C8A: variants seen among roughly 807,000 people sequenced by gnomAD.
C8A encodes complement component C8 alpha chain.
In C8A, 67 loss-of-function variants were observed where a neutral mutation model predicts 65.3. That is an observed-to-expected ratio of 1.03 (90% CI 0.84 to 1.26). The LOEUF (loss-of-function observed/expected upper bound fraction) is 1.26, where lower values mean the gene tolerates loss of function less well. C8A is among the 50% of genes most tolerant of loss of function. The probability of loss-of-function intolerance (pLI) is 0.00; values close to 1 mark genes in which losing one functional copy is unlikely to be tolerated. For synonymous variants in C8A, 290 were observed against 259.4 expected (o/e 1.12, Z -1.13); for missense variants, 781 against 723.9 (o/e 1.08, Z -0.90).
chr1:56,895,525 C>A (rs916056272), intron 7 of C8A, among the ~76,000 whole-genome samples: 5 of 152,098 alleles, frequency 3.3e-5, no homozygotes, highest in Non-Finnish European at 7.4e-5. Flanking sequence ...TTTCAAACTT[C>A]AGACCATAAC....
intron 7 of C8A, among the ~76,000 whole-genome samples, chr1:56,891,114 A>G (rs922253336): frequency 6.6e-6 from 1 of 152,154 alleles, no homozygotes; most frequent in Non-Finnish European, 1.5e-5. Flanking sequence ...GTGAGGGAAG[A>G]TATTCACTTA....
At chr1:56,897,678 G>T (rs1273285658) in intron 7 of C8A, among the ~76,000 whole-genome samples, 2 of 152,154 alleles carry the variant, frequency 1.3e-5, no homozygotes, top group African/African-American at 4.8e-5. Flanking sequence ...ATATATCATG[G>T]CTGGTTGTTT....
intron 7 of C8A, among the ~76,000 whole-genome samples, chr1:56,901,405 T>C (rs1644425299): frequency 6.6e-6 from 1 of 152,162 alleles, no homozygotes; most frequent in African/African-American, 2.4e-5. Context: ...TGGTTCTGCC[T>C]GAGAGCCACA....
intron 9 of C8A, among the ~76,000 whole-genome samples, chr1:56,909,670 C>T (rs763065797): frequency 3.9e-5 from 6 of 152,102 alleles, no homozygotes; most frequent in Non-Finnish European, 7.4e-5. Flanking sequence ...CAGGCTTTGG[C>T]AGGATTGGGT....
chr1:56,883,346 G>GT (rs1644262770), intron 5 of C8A, 135 bp from the exon 6 acceptor site: 1 of 732,012 alleles, frequency 1.4e-6, no homozygotes, highest in African/African-American at 1.8e-5. Flanking sequence ...CTAATGACTG[G>GT]ATTGCCTTAT....
chr1:56,877,152 G>C (rs1184407282), intron 4 of C8A, among the ~76,000 whole-genome samples: 2 of 152,220 alleles, frequency 1.3e-5, no homozygotes, highest in African/African-American at 2.4e-5. Flanking sequence ...GACAGGAAGA[G>C]AGCCTCCAGC....
chr1:56,906,638 T>C (rs373188069), intron 7 of C8A, 29 bp from the exon 8 acceptor site: 1 of 1,613,756 alleles, frequency 6.2e-7, no homozygotes, highest in Non-Finnish European at 8.5e-7. Context: ...TAACTCAGCA[T>C]TTTGTGTTTC....
At chr1:56,873,458 C>G (rs576073027) in intron 2 of C8A, among the ~76,000 whole-genome samples, 1 of 152,214 alleles carries the variant, frequency 6.6e-6, no homozygotes, top group South Asian at 2.1e-4. Flanking sequence ...GGCCCTGAAC[C>G]CAAGTCTGTC....
chr1:56,914,413 C>G (rs1280288434), intron 10 of C8A, among the ~76,000 whole-genome samples: 1 of 152,070 alleles, frequency 6.6e-6, no homozygotes, highest in African/African-American at 2.4e-5. Context: ...AGTCTCTGAC[C>G]TAAACAAGGG....
chr1:56,862,338 G>A (rs1036164262), intron 1 of C8A, among the ~76,000 whole-genome samples: 1 of 151,646 alleles, frequency 6.6e-6, no homozygotes, highest in South Asian at 2.1e-4. Flanking sequence ...TTTCAACTGT[G>A]TTACATAGTC....
chr1:56,908,031 G>A lies in C8A; in HGVS notation c.1298G>A (p.Gly433Asp). 1.2e-6 allele frequency: 2 copies of A among 1,614,164 alleles called. No homozygotes were observed. The highest frequency in any genetic ancestry group is 1.7e-6 in the Non-Finnish European group (2 of 1,180,014). Residue 433 changes from glycine to aspartate, a missense_variant, in exon 9 of 11, where the codon GGC (glycine) becomes GAC (aspartate). By Grantham distance (94) the Gly-to-Asp change is moderately conservative. Coordinates refer to ENST00000361249, the MANE Select transcript of C8A (RefSeq NM_000562.3). ...VRGGSSGWSG[G>D]LAQNRSTITY... ...GGTGGCAGTTCTGGCTGGAGCGGTG[G>A]CTTGGCACAGAACAGGAGCACCATT...
At chr1:56,868,699 A>G (rs1644115278) in intron 2 of C8A, among the ~76,000 whole-genome samples, 1 of 152,162 alleles carries the variant, frequency 6.6e-6, no homozygotes, top group African/African-American at 2.4e-5. Flanking sequence ...TCAGACTCAC[A>G]TGCCTGTATC....
intron 10 of C8A, among the ~76,000 whole-genome samples, chr1:56,913,539 T>A (rs1644527044): frequency 6.6e-6 from 1 of 152,246 alleles, no homozygotes. Flanking sequence ...ACTAAGTCAC[T>A]GTGAGACACT....
chr1:56,884,332 C>T (rs1407847343), intron 6 of C8A, among the ~76,000 whole-genome samples: 1 of 152,040 alleles, frequency 6.6e-6, no homozygotes, highest in Non-Finnish European at 1.5e-5. Context: ...AGCTGAAGCA[C>T]AGGGTGGGAA....
intron 4 of C8A, among the ~76,000 whole-genome samples, chr1:56,880,889 A>G (rs1267559027): frequency 2.0e-5 from 3 of 152,190 alleles, no homozygotes; most frequent in Non-Finnish European, 2.9e-5. Flanking sequence ...GGTATGCCTG[A>G]GGTCACACAG....
At chr1:56,900,705 C>A (rs569104534) in intron 7 of C8A, among the ~76,000 whole-genome samples, 2 of 152,142 alleles carry the variant, frequency 1.3e-5, no homozygotes, top group African/African-American at 2.4e-5. Flanking sequence ...AAAGAAAGAC[C>A]TATGACTCCT....
chr1:56,898,207 G>A (rs996886170), intron 7 of C8A, among the ~76,000 whole-genome samples: 1 of 152,142 alleles, frequency 6.6e-6, no homozygotes, highest in African/African-American at 2.4e-5. Flanking sequence ...GGGCATAAAT[G>A]AGAACAATCT....
At chr1:56,896,862 C>T (rs950483593) in intron 7 of C8A, among the ~76,000 whole-genome samples, 2 of 152,164 alleles carry the variant, frequency 1.3e-5, no homozygotes, top group Admixed American at 1.3e-4. Context: ...AACTCTGTGG[C>T]AGGTGGCACG....
intron 10 of C8A, among the ~76,000 whole-genome samples, chr1:56,913,247 G>A (rs1394875632): frequency 6.6e-6 from 1 of 152,170 alleles, no homozygotes. Context: ...CATCTGCAAA[G>A]ATCCTATTTC....
Sources: allele counts gnomAD v4.1 joint callset (sites outside exome capture counted in the v4.1 genomes callset), GRCh38; gene constraint gnomAD v4.1.1; transcripts MANE v1.5; gene names NCBI Gene and HGNC (gene_info 2026-07-23, HGNC 2026-07-21).